The following LRP1B variants were observed in gnomAD, a reference collection of about 807,000 sequenced individuals.
LRP1B encodes the protein LDL receptor related protein 1B.
Under a neutral mutation model 556.6 loss-of-function variants are expected in LRP1B, and 217 were observed. The observed-to-expected ratio is 0.39, with a 90% CI of 0.35 to 0.44. The LOEUF (loss-of-function observed/expected upper bound fraction) is 0.44, where lower values mean the gene tolerates loss of function less well. LRP1B is among the 20% of genes least tolerant of loss of function. The probability of loss-of-function intolerance (pLI) is 1.00; values close to 1 mark genes in which losing one functional copy is unlikely to be tolerated. For missense variants in LRP1B, 5,053 were observed against 5,620.8 expected (o/e 0.90, Z 3.23); for synonymous variants, 2,047 against 1,865.8 (o/e 1.10, Z -2.50).
Position 141,812,936 on chromosome 2 carries a change from G to GA in LRP1B, c.83-2536dup, listed in dbSNP as rs1024401693. The stretch of plus-strand genomic sequence containing the variant: ...TCATAAAACTTATGATATATAGATA[G>GA]AAAAAAAAAAGACTGGGTTCATGTG... On this transcript the variant is annotated intron_variant, in intron 1 of 90. Transcript: ENST00000389484. 2.8e-3 allele frequency among the ~76,000 whole-genome samples: 413 copies of GA among 147,226 alleles called. 2 individuals carry two copies. The highest frequency in any genetic ancestry group is 9.7e-3 in the African/African-American group (389 of 40,304).
At chr2:141,796,504 A>T (rs1438281037) in intron 2 of LRP1B, among the ~76,000 whole-genome samples, 1 of 151,674 alleles carries the variant, frequency 6.6e-6, no homozygotes, top group Non-Finnish European at 1.5e-5. Flanking sequence ...AACTAGGACC[A>T]GTATGGATTT....
chr2:141,763,083 G>A lies in LRP1B; in HGVS notation c.205+47196C>T, dbSNP rs185183609. 1.7e-3 allele frequency among the ~76,000 whole-genome samples: 265 copies of A among 152,218 alleles called. 5 individuals carry two copies. In the East Asian group the frequency reaches 0.037, roughly 21 times the overall value. On this transcript the variant is annotated intron_variant, in intron 2 of 90. Coordinates refer to ENST00000389484, the MANE Select transcript of LRP1B (RefSeq NM_018557.3). Reference sequence around the variant, plus strand: ...CCTTTCATGCAATAGAATTCATGTTGTTGTGTATAAGAGAAGAACAAAACC... The same window carrying A: ...CCTTTCATGCAATAGAATTCATGTTATTGTGTATAAGAGAAGAACAAAACC...
chr2:140,895,893 G>T (rs776257922), intron 23 of LRP1B, among the ~76,000 whole-genome samples: 42 of 152,096 alleles, frequency 2.8e-4, no homozygotes, highest in Non-Finnish European at 1.0e-4. Context: ...CTTCTCTGCT[G>T]CTCTGCTGCC....
At chr2:141,281,761 G>A (rs931992789) in intron 3 of LRP1B, among the ~76,000 whole-genome samples, 4 of 151,990 alleles carry the variant, frequency 2.6e-5, no homozygotes, top group African/African-American at 9.7e-5. Context: ...TTAAGTAAGA[G>A]TTAACAAGGC....
chr2:142,085,026 G>T (rs188391270), intron 1 of LRP1B, among the ~76,000 whole-genome samples: 4 of 152,194 alleles, frequency 2.6e-5, no homozygotes, highest in East Asian at 3.9e-4. Context: ...TTAATCTGTT[G>T]TAAAATGAGG....
At chr2:141,842,863 T>G (rs1052605985) in intron 1 of LRP1B, among the ~76,000 whole-genome samples, 7 of 152,140 alleles carry the variant, frequency 4.6e-5, no homozygotes, top group Admixed American at 4.6e-4. Context: ...TTCTGATCAG[T>G]CGTATTGATC....
intron 1 of LRP1B, among the ~76,000 whole-genome samples, chr2:142,063,597 C>G (rs1704997879): frequency 6.6e-6 from 1 of 151,506 alleles, no homozygotes; most frequent in Non-Finnish European, 1.5e-5. Context: ...TTATTATGAA[C>G]TAAAATAAAA....
At chr2:142,078,494 C>T (rs541284052) in intron 1 of LRP1B, among the ~76,000 whole-genome samples, 4 of 152,064 alleles carry the variant, frequency 2.6e-5, no homozygotes, top group African/African-American at 4.8e-5. Context: ...TCAGAAAATT[C>T]GAGTTTAAGA....
intron 35 of LRP1B, among the ~76,000 whole-genome samples, chr2:140,746,921 T>C (rs181324028): frequency 6.6e-6 from 1 of 152,012 alleles, no homozygotes; most frequent in East Asian, 1.9e-4. Flanking sequence ...AACAGACTTA[T>C]GAAAAATTAA....
At chr2:141,066,689 G>A (rs369754932) in intron 7 of LRP1B, among the ~76,000 whole-genome samples, 1 of 151,886 alleles carries the variant, frequency 6.6e-6, no homozygotes, top group East Asian at 1.9e-4. Context: ...ACTCTTAAAT[G>A]TTAGTTATAA....
intron 1 of LRP1B, among the ~76,000 whole-genome samples, chr2:142,079,594 G>A (rs981479567): frequency 1.4e-4 from 22 of 151,872 alleles, no homozygotes; most frequent in Non-Finnish European, 2.5e-4. Flanking sequence ...TGCAACCTCC[G>A]CCTCCCAGGT....
At chr2:141,542,090 G>T (rs1354929306) in intron 2 of LRP1B, among the ~76,000 whole-genome samples, 2 of 151,924 alleles carry the variant, frequency 1.3e-5, no homozygotes, top group Admixed American at 6.6e-5. Flanking sequence ...AATATGAAAT[G>T]ATGGTGAATA....
intron 2 of LRP1B, among the ~76,000 whole-genome samples, chr2:141,626,585 A>G (rs1489174496): frequency 6.6e-6 from 1 of 152,208 alleles, no homozygotes; most frequent in African/African-American, 2.4e-5. Flanking sequence ...TACAAAATAT[A>G]CAAAAAACTC....
chr2:140,754,572 G>A (rs530936081), intron 35 of LRP1B, among the ~76,000 whole-genome samples: 231 of 152,054 alleles, frequency 1.5e-3, no homozygotes, highest in Non-Finnish European at 2.8e-3. Flanking sequence ...ATTCTTAAAT[G>A]ACAAATGAGT....
At chr2:141,374,266 G>A (rs1689345674) in intron 3 of LRP1B, among the ~76,000 whole-genome samples, 1 of 152,086 alleles carries the variant, frequency 6.6e-6, no homozygotes, top group Non-Finnish European at 1.5e-5. Context: ...GGGATTTCCT[G>A]TATAGGTGAC....
chr2:141,005,672 G>GAGAT (rs1697552582), intron 14 of LRP1B, among the ~76,000 whole-genome samples: 1 of 151,976 alleles, frequency 6.6e-6, no homozygotes, highest in Non-Finnish European at 1.5e-5. Context: ...TTAATTGGAG[G>GAGAT]AGATAGAGGT....
intron 2 of LRP1B, among the ~76,000 whole-genome samples, chr2:141,647,507 G>T (rs1173152289): frequency 6.6e-6 from 1 of 152,124 alleles, no homozygotes; most frequent in Non-Finnish European, 1.5e-5. Flanking sequence ...TTTTCACAAA[G>T]CTTGATTATC....
intron 3 of LRP1B, among the ~76,000 whole-genome samples, chr2:141,283,823 TA>T (rs1398430351): frequency 2.1e-5 from 3 of 145,140 alleles, no homozygotes; most frequent in African/African-American, 7.7e-5. Flanking sequence ...AGAGACACTT[TA>T]AAAGAAAAAA....
At chr2:141,226,851 C>G (rs892358481) in intron 6 of LRP1B, among the ~76,000 whole-genome samples, 3 of 152,120 alleles carry the variant, frequency 2.0e-5, no homozygotes, top group African/African-American at 7.2e-5. Context: ...TGCTCACACC[C>G]CTGCCCCACT....
Sources: gnomAD v4.1 joint callset for allele counts (sites outside exome capture counted in the v4.1 genomes callset) on GRCh38, gnomAD v4.1.1 for gene constraint, MANE v1.5 for transcripts, NCBI Gene and HGNC (gene_info 2026-07-23, HGNC 2026-07-21) for gene names.